DENND4A: variants seen among roughly 807,000 people sequenced by gnomAD.
DENND4A encodes the protein DENN domain containing 4A.
A neutral mutation model predicts 199.3 loss-of-function variants in DENND4A; 70 were observed. That is an observed-to-expected ratio of 0.35 (90% CI 0.29 to 0.43). The LOEUF is 0.43. DENND4A is among the 20% of genes least tolerant of loss of function. The pLI is 1.00. For synonymous variants in DENND4A, 686 were observed against 766.9 expected (o/e 0.89, Z 1.74); for missense variants, 1,723 against 2,255.8 (o/e 0.76, Z 4.78).
At chr15:65,719,972 A>G (rs2075560244) in intron 12 of DENND4A, among the ~76,000 whole-genome samples, 1 of 152,222 alleles carries the variant, frequency 6.6e-6, no homozygotes, top group African/African-American at 2.4e-5. Flanking sequence ...GGACAATTCT[A>G]CAATGGTAAG....
At chr15:65,672,831 TTC>T (rs1475654512) in intron 24 of DENND4A, among the ~76,000 whole-genome samples, 2 of 151,874 alleles carry the variant, frequency 1.3e-5, no homozygotes, top group Non-Finnish European at 1.5e-5. Flanking sequence ...ACACATGTTT[TTC>T]TCTGTCATTA....
At position 65,702,017 on chromosome 15, in the gene DENND4A, T is replaced by C. The variant is rs373540918; in HGVS notation, c.2431-127A>G. On this transcript the variant is annotated intron_variant, in intron 17 of 32. Coordinates refer to ENST00000443035, the MANE Select transcript of DENND4A (RefSeq NM_001320835.1). ...GTGGCTCATGCCTGTAATTCCAACA[T>C]TTTGGGAGGGCAAGGCAGGTGAAGC... The C allele has an allele frequency of 4.1e-4, 556 of 1,339,776 alleles. 2 individuals carry two copies. In the South Asian group the frequency reaches 6.8e-3, roughly 17 times the overall value. 83.0% of individuals were successfully genotyped at this position (1,339,776 alleles called of 1,614,324 possible).
At chr15:65,712,654 A>C (rs548228259) in intron 14 of DENND4A, among the ~76,000 whole-genome samples, 1 of 152,238 alleles carries the variant, frequency 6.6e-6, no homozygotes, top group African/African-American at 2.4e-5. Context: ...CAGTAAGGCC[A>C]ATTTTATGTT....
rs1001444007 is a variant in DENND4A at position 65,791,997 on chromosome 15, C to G, written c.-102+13G>C. ...CCTGCCACCGCTGCCCGGGTCGCCG[C>G]CCCCGCACTCACCACCCAGCTGGCT... On this transcript the variant is annotated intron_variant, in intron 1 of 32. Transcript: ENST00000443035. 2 of 152,340 alleles carry G rather than the reference C, an allele frequency of 1.3e-5. No homozygotes were observed. The highest frequency in any genetic ancestry group is 2.4e-5 in the African/African-American group (1 of 41,458). 9.4% of individuals were successfully genotyped at this position (152,340 alleles called of 1,614,324 possible). A position where few individuals can be genotyped will look rare whatever the true frequency, so the allele number is the denominator to read the frequency against.
chr15:65,729,623 G>A lies in DENND4A; in HGVS notation c.1222C>T (p.Leu408=), dbSNP rs149121039. Residue 408 remains leucine, a synonymous_variant, in exon 10 of 33, where the codon CTA becomes TTA. Coordinates refer to ENST00000443035, the MANE Select transcript of DENND4A (RefSeq NM_001320835.1). ...QNLGPENAVT[L]LVFAVTEHKI... ...TGTTCTGTTACTGCAAACACCAGTA[G>A]TGTCACAGCATTTTCAGGGCCTAAA... 3,510 of 1,576,592 alleles carry A rather than the reference G, an allele frequency of 2.2e-3. 44 individuals carry two copies. In the South Asian group the frequency reaches 0.026, roughly 12 times the overall value.
At chr15:65,778,473 G>A (rs1054075008) in intron 1 of DENND4A, among the ~76,000 whole-genome samples, 5 of 144,084 alleles carry the variant, frequency 3.5e-5, no homozygotes, top group East Asian at 4.0e-4. Flanking sequence ...AAAAAAAAGC[G>A]TTCCCCAGTA....
intron 7 of DENND4A, among the ~76,000 whole-genome samples, chr15:65,737,248 G>A (rs1483325854): frequency 6.6e-6 from 1 of 152,046 alleles, no homozygotes; most frequent in Non-Finnish European, 1.5e-5. Context: ...TTGTAGAGAT[G>A]GGGTTTCACT....
chr15:65,678,033 TTC>T (rs1596406474), intron 23 of DENND4A, among the ~76,000 whole-genome samples: 1 of 151,632 alleles, frequency 6.6e-6, no homozygotes, highest in East Asian at 2.0e-4. Context: ...GTTCAAGTGA[TTC>T]TCATGCCTCA....
At chr15:65,702,160 A>G in intron 17 of DENND4A, 145 bp downstream of exon 17, 1 of 781,642 alleles carries the variant, frequency 1.3e-6, no homozygotes, top group East Asian at 2.7e-5. Context: ...GCTATCTGGG[A>G]GGCTAAAATG....
At chr15:65,752,347 G>A (rs747969925) in intron 4 of DENND4A, 32 bp downstream of exon 4, 1 of 830,840 alleles carries the variant, frequency 1.2e-6, no homozygotes, top group African/African-American at 1.8e-5. Flanking sequence ...TTCATCAGTG[G>A]TTAATGTTAC....
intron 9 of DENND4A, chr15:65,731,273 TGGG>T: frequency 1.6e-5 from 5 of 315,824 alleles, no homozygotes; most frequent in Non-Finnish European, 3.1e-5. Context: ...TTTTTTCTTT[TGGG>T]TAAAATTTAA....
At chr15:65,709,719 A>AAAAAAAATAT (rs1218030026) in intron 14 of DENND4A, among the ~76,000 whole-genome samples, 2 of 51,468 alleles carry the variant, frequency 3.9e-5, no homozygotes, top group Non-Finnish European at 6.3e-5. Flanking sequence ...AAAAAAAAAA[A>AAAAAAAATAT]ATATATATAT....
chr15:65,773,839 C>T (rs1337530710), intron 1 of DENND4A, among the ~76,000 whole-genome samples: 1 of 152,106 alleles, frequency 6.6e-6, no homozygotes, highest in African/African-American at 2.4e-5. Flanking sequence ...GAACAGTCAA[C>T]CTGGGCTTTT....
intron 1 of DENND4A, among the ~76,000 whole-genome samples, chr15:65,772,706 C>CAAAAAAAA (rs34181353): frequency 1.8e-4 from 6 of 33,596 alleles, no homozygotes; most frequent in African/African-American, 7.1e-4. Flanking sequence ...GACTCCGTCT[C>CAAAAAAAA]AAAAAAAAAA....
intron 12 of DENND4A, among the ~76,000 whole-genome samples, 191 bp downstream of exon 12, chr15:65,722,655 GAA>G (rs34218157): frequency 6.3e-5 from 9 of 142,854 alleles, no homozygotes; most frequent in East Asian, 4.0e-4. Flanking sequence ...ACTCCGTCTC[GAA>G]AAAAAAAAAA....
At chr15:65,717,034 T>G (rs927625808) in intron 13 of DENND4A, among the ~76,000 whole-genome samples, 1 of 152,234 alleles carries the variant, frequency 6.6e-6, no homozygotes, top group Non-Finnish European at 1.5e-5. Flanking sequence ...TGTTACTTCT[T>G]CAGAAAAGCC....
rs572943736 is a variant in DENND4A, at chr15:65,740,264, G to A, written c.632-1389C>T. Among the ~76,000 whole-genome samples, 3 of 149,362 alleles carry A rather than the reference G, an allele frequency of 2.0e-5. No individual in the cohort carries two copies. In the South Asian group the frequency reaches 6.3e-4, roughly 31 times the overall value. On this transcript the variant is annotated intron_variant, in intron 5 of 32. Coordinates refer to ENST00000443035, the MANE Select transcript of DENND4A (RefSeq NM_001320835.1). ...CACAAATTAGGCCTAGGGCAACACA[G>A]TGAGATTCCATCTCCCAAAAAAAAA...
intron 2 of DENND4A, among the ~76,000 whole-genome samples, chr15:65,757,270 G>C (rs1036202099): frequency 3.4e-5 from 5 of 147,934 alleles, no homozygotes; most frequent in Admixed American, 6.7e-5. Flanking sequence ...GATGGGGGGG[G>C]GGGGGTCTCA....
At chr15:65,739,693 G>A (rs1397730647) in intron 5 of DENND4A, among the ~76,000 whole-genome samples, 3 of 152,150 alleles carry the variant, frequency 2.0e-5, no homozygotes, top group Non-Finnish European at 4.4e-5. Flanking sequence ...TTGGACAAAT[G>A]ACATACTACA....
Sources: allele counts gnomAD v4.1 joint callset (sites outside exome capture counted in the v4.1 genomes callset), GRCh38; gene constraint gnomAD v4.1.1; transcripts MANE v1.5; gene names NCBI Gene and HGNC (gene_info 2026-07-23, HGNC 2026-07-21).